The following PARD3B variants were observed in gnomAD, a reference collection of about 807,000 sequenced individuals.
The protein encoded by PARD3B is par-3 family cell polarity regulator beta, also known as partitioning defective 3 homolog B.
PARD3B carries 103 observed loss-of-function variants against 130.2 expected under a neutral mutation model. The ratio of observed to expected loss-of-function variants is 0.79; its 90% CI spans 0.67 to 0.93. PARD3B has a LOEUF of 0.93. Among genes scored for constraint, PARD3B ranks in the 40% least tolerant of loss-of-function variants. PARD3B has a pLI of 0.00. For missense variants in PARD3B, 1,609 were observed against 1,499.2 expected (o/e 1.07, Z -1.21); for synonymous variants, 583 against 553.2 (o/e 1.05, Z -0.76).
At chr2:205,055,037 C>T (rs1370655676) in intron 4 of PARD3B, among the ~76,000 whole-genome samples, 1 of 152,118 alleles carries the variant, frequency 6.6e-6, no homozygotes, top group East Asian at 1.9e-4. Flanking sequence ...AGACTGTGAA[C>T]TCTTCAGAGG....
At chr2:205,150,211 CTG>C (rs71409001) in intron 10 of PARD3B, among the ~76,000 whole-genome samples, 6,566 of 134,182 alleles carry the variant, frequency 0.049, 346 homozygotes, top group African/African-American at 0.14. Flanking sequence ...CAGCCAGGCT[CTG>C]TGTGTGTGTG....
intron 4 of PARD3B, among the ~76,000 whole-genome samples, chr2:205,067,408 C>T (rs1423587455): frequency 6.6e-6 from 1 of 152,088 alleles, no homozygotes; most frequent in Non-Finnish European, 1.5e-5. Context: ...AAACCATCCT[C>T]CTGTCTTGGC....
intron 4 of PARD3B, among the ~76,000 whole-genome samples, chr2:205,079,242 C>T (rs765344346): frequency 3.3e-5 from 5 of 152,154 alleles, no homozygotes; most frequent in Non-Finnish European, 5.9e-5. Flanking sequence ...TACTTTATCT[C>T]AAAAAGCTAA....
At chr2:204,700,423 T>C (rs897766933) in intron 2 of PARD3B, among the ~76,000 whole-genome samples, 4 of 152,108 alleles carry the variant, frequency 2.6e-5, no homozygotes, top group African/African-American at 9.7e-5. Flanking sequence ...ATTTGGTCAG[T>C]AGCACACCTT....
intron 20 of PARD3B, among the ~76,000 whole-genome samples, chr2:205,442,055 A>G (rs1205612061): frequency 6.6e-6 from 1 of 152,134 alleles, no homozygotes; most frequent in Non-Finnish European, 1.5e-5. Flanking sequence ...CACCCAAACC[A>G]TAGTCAATCT....
chr2:204,929,622 A>G (rs1687879852), intron 2 of PARD3B, among the ~76,000 whole-genome samples: 1 of 152,028 alleles, frequency 6.6e-6, no homozygotes, highest in Admixed American at 6.6e-5. Context: ...TAAATTGAAT[A>G]ATTTTTTTTT....
intron 2 of PARD3B, among the ~76,000 whole-genome samples, chr2:204,758,769 CA>C: frequency 6.6e-6 from 1 of 152,270 alleles, no homozygotes; most frequent in East Asian, 1.9e-4. Flanking sequence ...AATAAAGGAT[CA>C]AGCGTGGCAT....
At chr2:204,646,713 T>C (rs913687047) in intron 1 of PARD3B, among the ~76,000 whole-genome samples, 1 of 152,038 alleles carries the variant, frequency 6.6e-6, no homozygotes, top group South Asian at 2.1e-4. Flanking sequence ...GTTGTGCCAG[T>C]TCATATTTCT....
chr2:205,502,798 T>C (rs1355308762), intron 21 of PARD3B, among the ~76,000 whole-genome samples: 1 of 152,098 alleles, frequency 6.6e-6, no homozygotes, highest in Non-Finnish European at 1.5e-5. Flanking sequence ...TATGAATATT[T>C]TAAAATATAT....
Position 205,541,173 on chromosome 2 carries a change from T to C in PARD3B, c.3181-12151T>C, listed in dbSNP as rs112439135. Reference sequence around the variant, plus strand: ...AATGGAAAGAAATTTAGGACAGGAATTACCTGTACGCTAAGATTTAGAGTA... The same window carrying C: ...AATGGAAAGAAATTTAGGACAGGAACTACCTGTACGCTAAGATTTAGAGTA... On this transcript the variant is annotated intron_variant, in intron 21 of 22. Coordinates refer to ENST00000406610, the MANE Select transcript of PARD3B (RefSeq NM_001302769.2). Among the ~76,000 whole-genome samples the C allele has an allele frequency of 3.8e-3, 582 of 152,208 alleles. 3 individuals are homozygous for C. The highest frequency in any genetic ancestry group is 0.013 in the African/African-American group (542 of 41,530).
intron 16 of PARD3B, among the ~76,000 whole-genome samples, chr2:205,294,670 A>C (rs1477994527): frequency 2.0e-5 from 3 of 152,178 alleles, no homozygotes; most frequent in Non-Finnish European, 4.4e-5. Flanking sequence ...AAATGTATGA[A>C]TCTTAATGAG....
rs193141929 is a variant in PARD3B, at chr2:205,405,721, G to T, written c.2741+4598G>T. Among the ~76,000 whole-genome samples the T allele has an allele frequency of 1.2e-3, 186 of 152,290 alleles. 2 individuals carry two copies. Among genetic ancestry groups the T allele is most frequent in the Admixed American group, 0.011 (172 of 15,282 alleles). On this transcript the variant is annotated intron_variant, in intron 19 of 22. Coordinates refer to ENST00000406610, the MANE Select transcript of PARD3B (RefSeq NM_001302769.2). This position sits in a 1 kb window ranked among gnomAD's most constrained non-coding sequence, Gnocchi z 4.1. ...AACTTCAGGGGTTGACAATATGTCC[G>T]ATGACAGAATCAGCAGGAACAATGG...
rs1197514628 is a variant in PARD3B, at chr2:205,558,950, T to C, written c.3260+5547T>C. On this transcript the variant is annotated intron_variant, in intron 22 of 22. Transcript: ENST00000406610. The surrounding 1 kb of genome is among the most constrained non-coding windows in gnomAD (Gnocchi z 4.8). ...TGCCCCTTTCCACCCCATTGAAATA[T>C]AAATTCCTTGAAATAAGAGACTTTG... Among the ~76,000 whole-genome samples the C allele has an allele frequency of 2.6e-5, 4 of 152,236 alleles. No homozygotes were observed. Among genetic ancestry groups the C allele is most frequent in the Non-Finnish European group, 5.9e-5 (4 of 68,038 alleles).
rs145088375 is a variant in PARD3B at position 204,850,876 on chromosome 2, A to G, written c.223-114276A>G. 2.1e-4 allele frequency among the ~76,000 whole-genome samples: 32 copies of G among 152,346 alleles called. No individual in the cohort carries two copies. In the East Asian group the frequency reaches 2.9e-3, roughly 14 times the overall value. ...CTGTTTTTGTATTGGTAGCTTGATC[A>G]TTATGACTGTCTGGCAAATTACACT... is the stretch of plus-strand genomic sequence containing the variant. On this transcript the variant is annotated intron_variant, in intron 2 of 22. Transcript: ENST00000406610.
chr2:205,386,099 G>A (rs2045651782), intron 18 of PARD3B, among the ~76,000 whole-genome samples: 1 of 152,060 alleles, frequency 6.6e-6, no homozygotes, highest in Non-Finnish European at 1.5e-5. Context: ...CTGCAATTCT[G>A]CGATATTACA....
At chr2:204,873,566 G>A (rs1047145308) in intron 2 of PARD3B, among the ~76,000 whole-genome samples, 1 of 152,190 alleles carries the variant, frequency 6.6e-6, no homozygotes, top group African/African-American at 2.4e-5. Flanking sequence ...GATGAGGTCT[G>A]TGCATCCATA....
At chr2:205,224,193 AC>A (rs562082057) in intron 15 of PARD3B, among the ~76,000 whole-genome samples, 35 of 147,610 alleles carry the variant, frequency 2.4e-4, no homozygotes, top group Middle Eastern at 3.4e-3. Context: ...CATGGTTGAA[AC>A]CCCGTCTCTA....
chr2:205,029,464 T>C (rs187363051), intron 3 of PARD3B, among the ~76,000 whole-genome samples: 604 of 152,302 alleles, frequency 4.0e-3, no homozygotes, highest in African/African-American at 0.012. Flanking sequence ...ATCTAAGTTT[T>C]CCCTAGCTTC....
intron 11 of PARD3B, among the ~76,000 whole-genome samples, chr2:205,169,407 T>C (rs73982804): frequency 0.015 from 2,285 of 152,212 alleles, 65 homozygotes; most frequent in African/African-American, 0.052. Context: ...AGAATGTAAC[T>C]GAAAATAAAA....
Sources: gnomAD v4.1 joint callset for allele counts (sites outside exome capture counted in the v4.1 genomes callset) on GRCh38, gnomAD v4.1.1 for gene constraint, Gnocchi (gnomAD v3.1) non-coding constraint, MANE v1.5 for transcripts, NCBI Gene and HGNC (gene_info 2026-07-23, HGNC 2026-07-21) for gene names.